The following OVOL1 variants were observed in gnomAD, a reference collection of about 807,000 sequenced individuals.
The protein encoded by OVOL1 is putative transcription factor Ovo-like 1.
A neutral mutation model predicts 21.5 loss-of-function variants in OVOL1; 10 were observed. That is an observed-to-expected ratio of 0.46 (90% CI 0.29 to 0.79). The LOEUF is 0.79. Ranked by LOEUF, OVOL1 falls within the 30% of genes least tolerant of loss-of-function variation. The probability of loss-of-function intolerance (pLI) is 0.10; values close to 1 mark genes in which losing one functional copy is unlikely to be tolerated. For synonymous variants in OVOL1, 129 were observed against 150.3 expected (o/e 0.86, Z 1.03); for missense variants, 279 against 362.3 (o/e 0.77, Z 1.87).
At position 65,795,516 on chromosome 11, in the gene OVOL1, T is replaced by C. The variant is rs1266384598; in HGVS notation, c.*175T>C. Reference sequence around the variant, plus strand: ...ACACGTGCTCACTCAGGCCCAGCAATGACCTCTGCTCATTTTTGCATTTTT... The same window carrying C: ...ACACGTGCTCACTCAGGCCCAGCAACGACCTCTGCTCATTTTTGCATTTTT... On this transcript the variant is annotated 3_prime_UTR_variant, in exon 4 of 4. Transcript: ENST00000335987. The surrounding 1 kb of genome is among the most constrained non-coding windows in gnomAD (Gnocchi z 5.7). The C allele has an allele frequency of 3.2e-6, 2 of 622,320 alleles. No individual in the cohort carries two copies. The highest frequency in any genetic ancestry group is 1.8e-5 in the African/African-American group (1 of 54,448). The allele number at this position is 622,320 out of a possible 1,614,324, so 38.5% of individuals were successfully genotyped here. A position where few individuals can be genotyped will look rare whatever the true frequency, so the allele number is the denominator to read the frequency against.
At chr11:65,788,815 A>G (rs11603206) in intron 1 of OVOL1, 5 of 985,310 alleles carry the variant, frequency 5.1e-6, no homozygotes, top group Non-Finnish European at 4.8e-6. Context: ...CAAAAAGGGA[A>G]GTGAGTGGCC....
At chr11:65,791,789 A>T (rs560765417) in intron 1 of OVOL1, among the ~76,000 whole-genome samples, 99 of 152,290 alleles carry the variant, frequency 6.5e-4, no homozygotes, top group Non-Finnish European at 1.1e-3. Context: ...TGGGCGGGTG[A>T]TGAGTAGTCA....
At position 65,787,307 on chromosome 11, in the gene OVOL1, G is replaced by A. The variant is rs1857924273; in HGVS notation, c.-67G>A. 4.4e-6 allele frequency: 6 copies of A among 1,352,890 alleles called. No homozygotes were observed. The highest frequency in any genetic ancestry group is 1.2e-5 in the South Asian group (1 of 80,062). 83.8% of individuals were successfully genotyped at this position (1,352,890 alleles called of 1,614,324 possible). A position where few individuals can be genotyped will look rare whatever the true frequency, so the allele number is the denominator to read the frequency against. On this transcript the variant is annotated 5_prime_UTR_variant, in exon 1 of 4. Transcript: ENST00000335987. The stretch of plus-strand genomic sequence containing the variant: ...CGTTCCCGGCGTTCAGCCCGGCCCC[G>A]CAAAGGTGGGACGGCTCCCGGCTTC...
intron 1 of OVOL1, chr11:65,790,426 G>C (rs1312426502): frequency 6.6e-6 from 1 of 152,252 alleles, no homozygotes; most frequent in African/African-American, 2.4e-5. Flanking sequence ...AGGCCAGCAG[G>C]CTGGGCGGTG....
Position 65,796,513 on chromosome 11 carries a change from A to T in OVOL1, c.*1172A>T, listed in dbSNP as rs1350808397. ...TTTTCTTGGTTGAGTCAAAAGCCTTAGCACAGTGGCAAAAAATGGGACAGA... is the reference window on the plus strand; with the variant it reads ...TTTTCTTGGTTGAGTCAAAAGCCTTTGCACAGTGGCAAAAAATGGGACAGA... On this transcript the variant is annotated 3_prime_UTR_variant, in exon 4 of 4. Transcript: ENST00000335987. 6.6e-6 allele frequency: 1 copy of T among 152,296 alleles called. No individual in the cohort carries two copies. Among genetic ancestry groups the T allele is most frequent in the African/African-American group, 2.4e-5 (1 of 41,454 alleles). The allele number at this position is 152,296 out of a possible 1,614,324, so 9.4% of individuals were successfully genotyped here.
chr11:65,789,970 G>A (rs1285939402), intron 1 of OVOL1: 2 of 152,212 alleles, frequency 1.3e-5, no homozygotes, highest in Non-Finnish European at 2.9e-5. Context: ...GGGAAGAGGT[G>A]AAGATGGTTG....
At chr11:65,788,805 C>T in intron 1 of OVOL1, 1 of 985,412 alleles carries the variant, frequency 1.0e-6, no homozygotes, top group South Asian at 4.7e-5. Flanking sequence ...GAAACTGAGG[C>T]AAAAAGGGAA....
intron 1 of OVOL1, chr11:65,790,157 G>A (rs1367734996): frequency 6.6e-6 from 1 of 151,752 alleles, no homozygotes; most frequent in Non-Finnish European, 1.5e-5. Context: ...TACCCAGGGG[G>A]TAAATTCTAC....
At position 65,787,402 on chromosome 11, in the gene OVOL1, C is replaced by T. The variant is rs1008740655; in HGVS notation, c.29C>T (p.Pro10Leu). 4 of 1,595,314 alleles carry T rather than the reference C, an allele frequency of 2.5e-6. No individual in the cohort carries two copies. The South Asian group carries it at 3.4e-5, about 14-fold the overall frequency. The change falls in exon 1 of 4, where the codon CCG becomes CTG. Residue 10 changes from proline (P) to leucine (L), a missense_variant. Physicochemically the swap from Pro to Leu is moderately conservative, Grantham distance 98 (BLOSUM62 -3). Transcript: ENST00000335987. ...CCCCGCGCGTTCCTGGTGAAGAAGC[C>T]GTGCGTCTCCACGTGCAAGAGGAAC... Reference protein sequence around the residue: MPRAFLVKKPCVSTCKRNWS... With the variant: MPRAFLVKKLCVSTCKRNWS...
rs1857958524 is a variant in OVOL1 at position 65,789,093 on chromosome 11, T to C, written c.100+1620T>C. On this transcript the variant is annotated intron_variant, in intron 1 of 3. Transcript: ENST00000335987. The stretch of plus-strand genomic sequence containing the variant: ...CTGAGCCAGGCTCAGTGTGCTGTTA[T>C]TTTTAGTTTTATTTCACATCCCAAT... 3 of 983,274 alleles carry C rather than the reference T, an allele frequency of 3.1e-6. No homozygotes were observed. In the East Asian group the frequency reaches 3.4e-4, roughly 111 times the overall value. 60.9% of individuals were successfully genotyped at this position (983,274 alleles called of 1,614,324 possible). A position where few individuals can be genotyped will look rare whatever the true frequency, so the allele number is the denominator to read the frequency against.
chr11:65,794,894 T>G, intron 3 of OVOL1, 152 bp from the exon 4 acceptor site: 2 of 981,698 alleles, frequency 2.0e-6, no homozygotes, highest in African/African-American at 1.6e-5. Flanking sequence ...GAGTTTTGAT[T>G]TGAGAGTCAC....
intron 1 of OVOL1, chr11:65,790,040 C>CG (rs1857980412): frequency 7.6e-6 from 1 of 131,306 alleles, no homozygotes; most frequent in Non-Finnish European, 1.7e-5. Context: ...ACCGCTCCCC[C>CG]ACCCACCCCC....
At chr11:65,787,508 C>CGCGGCGGCGTCGAG in intron 1 of OVOL1, 35 bp downstream of exon 1, 3 of 1,331,994 alleles carry the variant, frequency 2.3e-6, no homozygotes, top group Non-Finnish European at 3.0e-6. Context: ...CTGGGGCACC[C>CGCGGCGGCGTCGAG]GCGGCGGCGT....
intron 1 of OVOL1, chr11:65,788,880 G>A (rs953119518): frequency 6.1e-6 from 6 of 985,326 alleles, no homozygotes; most frequent in Non-Finnish European, 7.2e-6. Context: ...ATAGCTTCTT[G>A]CTTGGCCACA....
At chr11:65,787,886 G>C (rs1020891793) in intron 1 of OVOL1, among the ~76,000 whole-genome samples, 1 of 152,230 alleles carries the variant, frequency 6.6e-6, no homozygotes, top group African/African-American at 2.4e-5. Flanking sequence ...ACTTTGGGGG[G>C]CGGGGAGCGG....
At position 65,796,787 on chromosome 11, in the gene OVOL1, C is replaced by G. The variant is rs1200351176; in HGVS notation, c.*1446C>G. 1 of 152,280 alleles carries G rather than the reference C, an allele frequency of 6.6e-6. No homozygotes were observed. Among genetic ancestry groups the G allele is most frequent in the Non-Finnish European group, 1.5e-5 (1 of 68,130 alleles). 9.4% of individuals were successfully genotyped at this position (152,280 alleles called of 1,614,324 possible). ...AAAAACAGGCAGGGGTCAGAGCCAG[C>G]CTGCCAGAGGCAAATGCAAAAGAGG... is the stretch of plus-strand genomic sequence containing the variant. On this transcript the variant is annotated 3_prime_UTR_variant, in exon 4 of 4. Coordinates refer to ENST00000335987, the MANE Select transcript of OVOL1 (RefSeq NM_004561.4).
intron 3 of OVOL1, 72 bp downstream of exon 3, chr11:65,794,799 C>T: frequency 6.8e-7 from 1 of 1,467,886 alleles, no homozygotes; most frequent in Non-Finnish European, 9.5e-7. Flanking sequence ...AAAAGTCCAG[C>T]ACCCCCTGCT....
intron 1 of OVOL1, among the ~76,000 whole-genome samples, chr11:65,793,507 A>G (rs1858065202): frequency 6.6e-6 from 1 of 152,166 alleles, no homozygotes; most frequent in Admixed American, 6.5e-5. Flanking sequence ...GGGGTGCAAC[A>G]GCAGGGACCG....
At chr11:65,789,777 C>G in intron 1 of OVOL1, 2 of 877,634 alleles carry the variant, frequency 2.3e-6, no homozygotes, top group Non-Finnish European at 2.7e-6. Flanking sequence ...GACCTTCCTG[C>G]CAGGTTCCTC....
Sources: gnomAD v4.1 joint callset for allele counts (sites outside exome capture counted in the v4.1 genomes callset) on GRCh38, gnomAD v4.1.1 for gene constraint, Gnocchi (gnomAD v3.1) non-coding constraint, MANE v1.5 for transcripts, NCBI Gene and HGNC (gene_info 2026-07-23, HGNC 2026-07-21) for gene names.